The following RIMS2 variants were observed in gnomAD, a reference collection of about 807,000 sequenced individuals.
RIMS2 encodes regulating synaptic membrane exocytosis 2, also known as regulating synaptic membrane exocytosis protein 2.
In RIMS2, 59 loss-of-function variants were observed where a neutral mutation model predicts 174.4. The ratio of observed to expected loss-of-function variants is 0.34; its 90% CI spans 0.27 to 0.42. The LOEUF (loss-of-function observed/expected upper bound fraction) is 0.42, where lower values mean the gene tolerates loss of function less well. Ranked by LOEUF, RIMS2 falls within the 10% of genes least tolerant of loss-of-function variation. The pLI, the probability that RIMS2 is intolerant of heterozygous loss-of-function variation, is 1.00. For missense variants in RIMS2, 1,620 were observed against 1,666.3 expected (o/e 0.97, Z 0.48); for synonymous variants, 606 against 572.5 (o/e 1.06, Z -0.84).
At chr8:104,187,228 A>C (rs1379975955) in intron 19 of RIMS2, among the ~76,000 whole-genome samples, 7 of 151,778 alleles carry the variant, frequency 4.6e-5, no homozygotes. Flanking sequence ...ATAAATATGG[A>C]AACTGTTCTT....
chr8:104,084,313 C>T (rs2097491242), intron 19 of RIMS2, among the ~76,000 whole-genome samples: 1 of 151,466 alleles, frequency 6.6e-6, no homozygotes, highest in South Asian at 2.1e-4. Context: ...TGGTGGCAGG[C>T]ACCTGTAATC....
chr8:104,123,935 G>C (rs2132490241), intron 19 of RIMS2, among the ~76,000 whole-genome samples: 3 of 152,182 alleles, frequency 2.0e-5, no homozygotes, highest in East Asian at 3.9e-4. Flanking sequence ...TATACTGTCT[G>C]CCATGTGCAA....
chr8:103,585,495 A>G (rs770440207), intron 1 of RIMS2, among the ~76,000 whole-genome samples: 3 of 152,224 alleles, frequency 2.0e-5, no homozygotes, highest in Non-Finnish European at 2.9e-5. Context: ...ATGCCCATCA[A>G]TGATACACTG....
chr8:103,636,782 C>A (rs981776085), intron 1 of RIMS2, among the ~76,000 whole-genome samples: 1 of 56,228 alleles, frequency 1.8e-5, no homozygotes, highest in Non-Finnish European at 3.2e-5. Context: ...TATAACCCAC[C>A]CCCGCACCCC....
chr8:103,925,205 G>C (rs1199699081), intron 10 of RIMS2, among the ~76,000 whole-genome samples: 1 of 151,534 alleles, frequency 6.6e-6, no homozygotes, highest in East Asian at 1.9e-4. Context: ...TGATACTATT[G>C]ATAATCATAT....
chr8:103,633,206 T>C (rs1589412467), intron 1 of RIMS2, among the ~76,000 whole-genome samples: 1 of 150,578 alleles, frequency 6.6e-6, no homozygotes, highest in East Asian at 2.0e-4. Flanking sequence ...TTTTTTTTTT[T>C]TTGTATTTTT....
At chr8:103,723,328 C>T (rs780259196) in intron 2 of RIMS2, among the ~76,000 whole-genome samples, 5 of 152,176 alleles carry the variant, frequency 3.3e-5, no homozygotes, top group Non-Finnish European at 5.9e-5. Context: ...GAAGTAAGCT[C>T]TTCTTGTTCT....
At chr8:103,899,449 T>C (rs1244274748) in intron 4 of RIMS2, among the ~76,000 whole-genome samples, 2 of 151,852 alleles carry the variant, frequency 1.3e-5, no homozygotes, top group Non-Finnish European at 2.9e-5. Flanking sequence ...ATTGTGGTTT[T>C]GATTTGCATT....
chr8:104,100,986 A>T lies in RIMS2; in HGVS notation c.3334+86371A>T, dbSNP rs1229543885. On this transcript the variant is annotated intron_variant, in intron 19 of 23. Coordinates refer to ENST00000504942, the Ensembl canonical transcript of RIMS2. ...TATTATATAGTATATATGATATATTATATAGTATATGTTATATATGATATA... is the reference window on the plus strand; with the variant it reads ...TATTATATAGTATATATGATATATTTTATAGTATATGTTATATATGATATA... Among the ~76,000 whole-genome samples the T allele has an allele frequency of 3.5e-5, 5 of 142,330 alleles. No homozygotes were observed. The South Asian group carries it at 8.5e-4, about 24-fold the overall frequency. 93.4% of individuals were successfully genotyped at this position (142,330 alleles called of 152,430 possible).
chr8:103,994,477 T>C (rs2094940728), intron 17 of RIMS2, among the ~76,000 whole-genome samples: 1 of 152,194 alleles, frequency 6.6e-6, no homozygotes, highest in Non-Finnish European at 1.5e-5. Flanking sequence ...TAATATAACT[T>C]ACTTTATTTG....
chr8:104,001,392 A>G (rs2095381512), intron 17 of RIMS2, among the ~76,000 whole-genome samples: 1 of 151,982 alleles, frequency 6.6e-6, no homozygotes, highest in African/African-American at 2.4e-5. Flanking sequence ...TTTTAAAAAT[A>G]TTAGCTTTCA....
At chr8:104,145,980 A>G (rs2133850522) in intron 19 of RIMS2, among the ~76,000 whole-genome samples, 1 of 152,110 alleles carries the variant, frequency 6.6e-6, no homozygotes, top group Non-Finnish European at 1.5e-5. Flanking sequence ...ATCAAAACAC[A>G]CCACTCTAGT....
chr8:103,816,308 C>T (rs558638455), intron 3 of RIMS2, among the ~76,000 whole-genome samples: 7 of 152,220 alleles, frequency 4.6e-5, no homozygotes, highest in Middle Eastern at 3.4e-3. Flanking sequence ...AGTCCTGTGG[C>T]GGTTTCCTAT....
At chr8:103,970,670 A>T (rs746931859) in intron 15 of RIMS2, among the ~76,000 whole-genome samples, 8 of 152,158 alleles carry the variant, frequency 5.3e-5, no homozygotes, top group Non-Finnish European at 1.2e-4. Flanking sequence ...CTTTCCCCTC[A>T]TAAGTATCTT....
intron 17 of RIMS2, among the ~76,000 whole-genome samples, chr8:103,993,070 C>T (rs1336067977): frequency 2.6e-5 from 4 of 152,150 alleles, no homozygotes; most frequent in Middle Eastern, 6.8e-3. Context: ...GGCGAGATCG[C>T]GCCACTGCAC....
At chr8:104,197,041 A>G (rs772564854) in intron 19 of RIMS2, among the ~76,000 whole-genome samples, 1 of 152,152 alleles carries the variant, frequency 6.6e-6, no homozygotes, top group Admixed American at 6.5e-5. Context: ...GATGCAAAGA[A>G]CCTAAAAATT....
At chr8:104,251,943 A>T (rs1051534011), downstream of RIMS2, 2 of 653,988 alleles carry the variant, frequency 3.1e-6, no homozygotes, top group East Asian at 5.3e-5. Context: ...GTTTCTAGGG[A>T]TACAAAGCAA....
chr8:103,763,850 A>T (rs1290331667), intron 2 of RIMS2, among the ~76,000 whole-genome samples: 1 of 152,222 alleles, frequency 6.6e-6, no homozygotes, highest in Non-Finnish European at 1.5e-5. Context: ...CACTAAGGTA[A>T]ACTGACAAGG....
At chr8:104,005,015 G>C (rs1030075838) in intron 17 of RIMS2, among the ~76,000 whole-genome samples, 4 of 152,180 alleles carry the variant, frequency 2.6e-5, no homozygotes, top group African/African-American at 2.4e-5. Flanking sequence ...AAGGAAAGAA[G>C]AAAGTCAAAG....
Sources: gnomAD v4.1 joint callset for allele counts (sites outside exome capture counted in the v4.1 genomes callset) on GRCh38, gnomAD v4.1.1 for gene constraint, MANE v1.5 for transcripts, NCBI Gene and HGNC (gene_info 2026-07-23, HGNC 2026-07-21) for gene names.